The following CFAP97D2 variants were observed in gnomAD, a reference collection of about 807,000 sequenced individuals.
CFAP97D2 encodes the protein uncharacterized protein CFAP97D2.
In CFAP97D2 at chr13:114,192,698, A is replaced by G. The variant is rs141203794; in HGVS notation, c.91-3698A>G. 2.6e-5 allele frequency among the ~76,000 whole-genome samples: 4 copies of G among 152,360 alleles called. No individual in the cohort carries two copies. In the East Asian group the frequency reaches 7.7e-4, roughly 29 times the overall value. On this transcript the variant is annotated intron_variant, in intron 1 of 4. Transcript: ENST00000646158. ...AAACACAAATCAATCTCACGTATGA[A>G]TATCAATATGAAGACAAAAACATTC... is the stretch of plus-strand genomic sequence containing the variant.
At chr13:114,200,862 C>A (rs1011083277) in intron 3 of CFAP97D2, among the ~76,000 whole-genome samples, 4 of 152,208 alleles carry the variant, frequency 2.6e-5, no homozygotes, top group Admixed American at 2.6e-4. Context: ...CAGGCTGTAC[C>A]CCAGCCCTGC....
chr13:114,199,125 A>G (rs2080903603), intron 2 of CFAP97D2, among the ~76,000 whole-genome samples: 1 of 53,860 alleles, frequency 1.9e-5, no homozygotes, highest in Non-Finnish European at 3.1e-5. Context: ...CCCCGTGGGT[A>G]CGGTCCCCAC....
intron 1 of CFAP97D2, among the ~76,000 whole-genome samples, chr13:114,183,766 C>T (rs950533948): frequency 1.3e-5 from 2 of 152,134 alleles, no homozygotes; most frequent in African/African-American, 4.8e-5. Context: ...TCCCTAAAGG[C>T]CCCACCTCTT....
intron 3 of CFAP97D2, among the ~76,000 whole-genome samples, chr13:114,208,742 G>C (rs777598510): frequency 6.6e-6 from 1 of 152,206 alleles, no homozygotes; most frequent in Non-Finnish European, 1.5e-5. Context: ...TCTATCCATG[G>C]TTTTCTGGAC....
rs2080944181 is a variant in CFAP97D2, at chr13:114,207,118, G to C, written c.291-4794G>C. Among the ~76,000 whole-genome samples the C allele has an allele frequency of 6.6e-6, 1 of 152,214 alleles. No individual in the cohort carries two copies. The highest frequency in any genetic ancestry group is 2.1e-4 in the South Asian group (1 of 4,830). ...GCAGCAGTGTCCCCGCATCCACCTGGTGTGGGCAAGGCACAAGCTCAGCCT... is the reference window on the plus strand; with the variant it reads ...GCAGCAGTGTCCCCGCATCCACCTGCTGTGGGCAAGGCACAAGCTCAGCCT... On this transcript the variant is annotated intron_variant, in intron 3 of 4. Transcript: ENST00000646158. This position sits in a 1 kb window ranked among gnomAD's most constrained non-coding sequence, Gnocchi z 4.9.
chr13:114,194,932 T>C (rs1426867127), intron 1 of CFAP97D2, among the ~76,000 whole-genome samples: 1 of 152,208 alleles, frequency 6.6e-6, no homozygotes, highest in African/African-American at 2.4e-5. Flanking sequence ...TAAACATAGT[T>C]AACTCAGAAT....
chr13:114,208,202 T>A (rs1294310849), intron 3 of CFAP97D2, among the ~76,000 whole-genome samples: 1 of 152,252 alleles, frequency 6.6e-6, no homozygotes, highest in Non-Finnish European at 1.5e-5. Flanking sequence ...GTCATGAGAA[T>A]GAAATGAGTT....
rs1007929972 is a variant in CFAP97D2, at chr13:114,211,204, C to T, written c.291-708C>T. On this transcript the variant is annotated intron_variant, in intron 3 of 4. Coordinates refer to ENST00000646158, the Ensembl canonical transcript of CFAP97D2. This position sits in a 1 kb window ranked among gnomAD's most constrained non-coding sequence, Gnocchi z 4.2. ...GTCAAACCCCTACTCTAGGCGCTTC[C>T]GCAGCCCCCCATGGCTCCCTCTCCA... Among the ~76,000 whole-genome samples, 13 of 152,188 alleles carry T rather than the reference C, an allele frequency of 8.5e-5. No individual in the cohort carries two copies. The highest frequency in any genetic ancestry group is 7.9e-4 in the Admixed American group (12 of 15,286).
At chr13:114,188,868 T>C (rs1231150759) in intron 1 of CFAP97D2, among the ~76,000 whole-genome samples, 1 of 148,386 alleles carries the variant, frequency 6.7e-6, no homozygotes, top group Admixed American at 6.7e-5. Context: ...ATCAATGAAA[T>C]TGAAAATAGG....
intron 3 of CFAP97D2, among the ~76,000 whole-genome samples, chr13:114,208,851 G>A (rs186313276): frequency 2.6e-4 from 40 of 152,278 alleles, no homozygotes; most frequent in African/African-American, 8.9e-4. Context: ...ACAGAAGCCT[G>A]GACAAGAACC....
intron 1 of CFAP97D2, among the ~76,000 whole-genome samples, chr13:114,192,404 T>C (rs118021658): frequency 0.011 from 1,747 of 152,330 alleles, 96 homozygotes; most frequent in Admixed American, 0.08. Flanking sequence ...TAAAAAATCA[T>C]TTAAAATTTT....
At chr13:114,195,714 A>G (rs1402945482) in intron 1 of CFAP97D2, among the ~76,000 whole-genome samples, 3 of 152,126 alleles carry the variant, frequency 2.0e-5, no homozygotes, top group Non-Finnish European at 4.4e-5. Flanking sequence ...CTCATCCTGA[A>G]ATACTGGTGG....
rs769992022 is a variant in CFAP97D2 at position 114,211,019 on chromosome 13, G to A, written c.291-893G>A. Reference sequence around the variant, plus strand: ...GGACAGTGCCTGGCACAGAGGAAGTGCCCAACAAGTCTCCAGAGGGTGATG... The same window carrying A: ...GGACAGTGCCTGGCACAGAGGAAGTACCCAACAAGTCTCCAGAGGGTGATG... On this transcript the variant is annotated intron_variant, in intron 3 of 4. Coordinates refer to ENST00000646158, the Ensembl canonical transcript of CFAP97D2. This position sits in a 1 kb window ranked among gnomAD's most constrained non-coding sequence, Gnocchi z 4.2. Among the ~76,000 whole-genome samples, 3 of 152,184 alleles carry A rather than the reference G, an allele frequency of 2.0e-5. No individual in the cohort carries two copies. The highest frequency in any genetic ancestry group is 4.4e-5 in the Non-Finnish European group (3 of 68,032).
intron 1 of CFAP97D2, among the ~76,000 whole-genome samples, chr13:114,180,027 G>A (rs946594589): frequency 1.3e-5 from 2 of 152,192 alleles, no homozygotes; most frequent in Non-Finnish European, 2.9e-5. Flanking sequence ...TAGAAGATAT[G>A]TTATTATTTC....
intron 4 of CFAP97D2, among the ~76,000 whole-genome samples, chr13:114,220,797 G>A (rs989237753): frequency 3.9e-5 from 6 of 152,270 alleles, no homozygotes; most frequent in African/African-American, 1.4e-4. Context: ...CACAATGGAT[G>A]TGAGTTGGCT....
chr13:114,215,837 C>G (rs1238756444), intron 4 of CFAP97D2: 2 of 152,194 alleles, frequency 1.3e-5, no homozygotes, highest in African/African-American at 4.8e-5. Flanking sequence ...GAGACGCTTT[C>G]TCCCTCACTA....
chr13:114,205,860 C>T (rs1219965797), intron 3 of CFAP97D2, among the ~76,000 whole-genome samples: 1 of 151,978 alleles, frequency 6.6e-6, no homozygotes, highest in African/African-American at 2.4e-5. Context: ...CAGAACAATG[C>T]CACACTCACC....
chr13:114,221,435 G>T (rs866609558), intron 4 of CFAP97D2, among the ~76,000 whole-genome samples: 31 of 152,294 alleles, frequency 2.0e-4, no homozygotes, highest in African/African-American at 7.5e-4. Flanking sequence ...CTGACAAAAG[G>T]TTATCTGATT....
intron 4 of CFAP97D2, among the ~76,000 whole-genome samples, chr13:114,221,795 A>G (rs2081023629): frequency 6.6e-6 from 1 of 152,238 alleles, no homozygotes; most frequent in South Asian, 2.1e-4. Context: ...ACTTTGGAAA[A>G]CAGTTTGGTA....
Sources: gnomAD v4.1 joint callset for allele counts (sites outside exome capture counted in the v4.1 genomes callset) on GRCh38, gnomAD v4.1.1 for gene constraint, Gnocchi (gnomAD v3.1) non-coding constraint, MANE v1.5 for transcripts, NCBI Gene and HGNC (gene_info 2026-07-23, HGNC 2026-07-21) for gene names.